PHF21B: variants seen among roughly 807,000 people sequenced by gnomAD.
PHF21B encodes the protein PHD finger protein 4.
In PHF21B, 22 loss-of-function variants were observed where a neutral mutation model predicts 62.2. The ratio of observed to expected loss-of-function variants is 0.35; its 90% CI spans 0.25 to 0.51. PHF21B has a LOEUF of 0.51. Among genes scored for constraint, PHF21B ranks in the 20% least tolerant of loss-of-function variants. The probability of loss-of-function intolerance (pLI) is 0.97; values close to 1 mark genes in which losing one functional copy is unlikely to be tolerated. For synonymous variants in PHF21B, 341 were observed against 314.7 expected, an observed-to-expected ratio of 1.08 and a Z score of -0.88; for missense variants, 701 against 707.9, an observed-to-expected ratio of 0.99 and a Z score of 0.11.
intron 2 of PHF21B, among the ~76,000 whole-genome samples, chr22:44,983,549 C>T (rs1401653910): frequency 6.6e-6 from 1 of 152,296 alleles, no homozygotes; most frequent in East Asian, 1.9e-4. Context: ...CCTGGGCCGT[C>T]GCAAACACCA....
At chr22:44,993,788 C>A (rs1166688769) in intron 2 of PHF21B, among the ~76,000 whole-genome samples, 1 of 152,240 alleles carries the variant, frequency 6.6e-6, no homozygotes, top group Non-Finnish European at 1.5e-5. Flanking sequence ...CTAAAGCAAT[C>A]TTTCCTCGCC....
chr22:44,967,345 C>A (rs531297973), intron 2 of PHF21B, among the ~76,000 whole-genome samples: 2 of 151,656 alleles, frequency 1.3e-5, no homozygotes, highest in Non-Finnish European at 2.9e-5. Flanking sequence ...CTCAGCCTCC[C>A]GAGTAGCTGG....
intron 2 of PHF21B, among the ~76,000 whole-genome samples, chr22:44,950,457 A>G (rs918100906): frequency 2.0e-5 from 3 of 152,224 alleles, no homozygotes; most frequent in Admixed American, 6.5e-5. Flanking sequence ...AACTCCACCA[A>G]CAGTAAAGGG....
At chr22:44,957,846 G>A (rs559802862) in intron 2 of PHF21B, among the ~76,000 whole-genome samples, 10 of 151,718 alleles carry the variant, frequency 6.6e-5, no homozygotes, top group South Asian at 2.1e-4. Context: ...TTCTAAACCC[G>A]TTCAGGCCTT....
intron 2 of PHF21B, among the ~76,000 whole-genome samples, chr22:45,004,316 G>T (rs1324339400): frequency 6.6e-6 from 1 of 152,158 alleles, no homozygotes; most frequent in Admixed American, 6.5e-5. Flanking sequence ...CCAGGTAAGA[G>T]ATGGTAGTGG....
chr22:44,897,597 T>A (rs1338411174), intron 5 of PHF21B, among the ~76,000 whole-genome samples: 1 of 152,146 alleles, frequency 6.6e-6, no homozygotes, highest in African/African-American at 2.4e-5. Flanking sequence ...TGAGTCAATA[T>A]TTCCTTGTCT....
At chr22:44,905,532 C>T (rs1452213521) in intron 5 of PHF21B, among the ~76,000 whole-genome samples, 1 of 152,084 alleles carries the variant, frequency 6.6e-6, no homozygotes, top group African/African-American at 2.4e-5. Context: ...AATTCATGTT[C>T]GAAATGTTGA....
chr22:44,949,180 A>T (rs189807352), intron 2 of PHF21B, among the ~76,000 whole-genome samples: 1 of 152,232 alleles, frequency 6.6e-6, no homozygotes, highest in Non-Finnish European at 1.5e-5. Flanking sequence ...GCATGCCTGT[A>T]ATCCCAGATA....
intron 5 of PHF21B, among the ~76,000 whole-genome samples, chr22:44,900,270 C>T (rs1161755567): frequency 6.6e-6 from 1 of 152,186 alleles, no homozygotes; most frequent in Non-Finnish European, 1.5e-5. Context: ...TTTGGGTCTC[C>T]AGCAGTTTCT....
chr22:44,885,292 C>T (rs2070836218), intron 12 of PHF21B, 134 bp downstream of exon 12: 1 of 773,894 alleles, frequency 1.3e-6, no homozygotes, highest in Non-Finnish European at 2.0e-6. Context: ...GTCCACCAGG[C>T]CCTGGCTCCT....
intron 2 of PHF21B, 70 bp from the exon 3 acceptor site, chr22:44,920,560 G>T: frequency 8.6e-7 from 1 of 1,159,070 alleles, no homozygotes. Flanking sequence ...CCCCCAGCCT[G>T]GCCAAGCAGG....
rs1260752918 is a variant in PHF21B, at chr22:45,008,624, G to C, written c.55-14C>G. 4.4e-6 allele frequency: 7 copies of C among 1,578,562 alleles called. No individual in the cohort carries two copies. Among genetic ancestry groups the C allele is most frequent in the Admixed American group, 1.8e-5 (1 of 55,324 alleles). On this transcript the variant is annotated splice_polypyrimidine_tract_variant and intron_variant, in intron 1 of 12. Transcript: ENST00000313237. ...GAGGTCGCCGTTCTGCGGAAACACGGAGGAGCGGGCTCAGGCAGGCCACCC... is the reference window on the plus strand; with the variant it reads ...GAGGTCGCCGTTCTGCGGAAACACGCAGGAGCGGGCTCAGGCAGGCCACCC...
At chr22:44,929,590 GC>G (rs1260032490) in intron 2 of PHF21B, among the ~76,000 whole-genome samples, 1 of 152,190 alleles carries the variant, frequency 6.6e-6, no homozygotes, top group Non-Finnish European at 1.5e-5. Flanking sequence ...TTCTGGACTG[GC>G]GCTGGTCATG....
intron 2 of PHF21B, among the ~76,000 whole-genome samples, chr22:44,975,717 GCT>G (rs2072725311): frequency 6.6e-6 from 1 of 152,142 alleles, no homozygotes; most frequent in Non-Finnish European, 1.5e-5. Flanking sequence ...CAGTAAAGAG[GCT>G]GCCCTGAGTG....
intron 2 of PHF21B, among the ~76,000 whole-genome samples, chr22:44,966,237 G>A (rs927623615): frequency 1.3e-5 from 2 of 152,222 alleles, no homozygotes; most frequent in Non-Finnish European, 2.9e-5. Context: ...AGGCAGAGCC[G>A]GGGACGTCCC....
chr22:44,972,659 G>A (rs566009863), intron 2 of PHF21B, among the ~76,000 whole-genome samples: 2 of 152,228 alleles, frequency 1.3e-5, no homozygotes, highest in African/African-American at 2.4e-5. Flanking sequence ...AGCGGACATC[G>A]TGTGGGTCCT....
At position 45,006,034 on chromosome 22, in the gene PHF21B, C is replaced by T. The variant is rs181425488; in HGVS notation, c.120+2511G>A. On this transcript the variant is annotated intron_variant, in intron 2 of 12. Coordinates refer to ENST00000313237, the MANE Select transcript of PHF21B (RefSeq NM_138415.5). ...AAGCTGCCAATCACCACCAAACTCT[C>T]CCAAGGAGAGGGAGAGGGGAGTAAA... 8.5e-5 allele frequency among the ~76,000 whole-genome samples: 13 copies of T among 152,230 alleles called. No homozygotes were observed. The East Asian group carries it at 2.5e-3, about 29-fold the overall frequency.
At chr22:44,919,389 A>C (rs536268162) in intron 3 of PHF21B, among the ~76,000 whole-genome samples, 1 of 152,220 alleles carries the variant, frequency 6.6e-6, no homozygotes, top group African/African-American at 2.4e-5. Context: ...CCTTTATCTC[A>C]TCAGCTACTG....
intron 2 of PHF21B, among the ~76,000 whole-genome samples, chr22:44,947,971 G>GCCTCCTCCCCGCTGTTGAC (rs2072109565): frequency 7.3e-6 from 1 of 136,552 alleles, no homozygotes; most frequent in Admixed American, 7.3e-5. Flanking sequence ...GGGCGCCAGA[G>GCCTCCTCCCCGCTGTTGAC]CCTCCTCCCC....
Sources: allele counts gnomAD v4.1 joint callset (sites outside exome capture counted in the v4.1 genomes callset), GRCh38; gene constraint gnomAD v4.1.1; transcripts MANE v1.5; gene names NCBI Gene and HGNC (gene_info 2026-07-23, HGNC 2026-07-21).